Variants in ACYP2 observed in about 807,000 individuals in gnomAD.
ACYP2 encodes acylphosphatase 2.
In ACYP2, 12 loss-of-function variants were observed where a neutral mutation model predicts 11.2. The observed-to-expected ratio is 1.08, with a 90% CI of 0.69 to 1.74. ACYP2 has a LOEUF of 1.74. ACYP2 is among the 40% of genes most tolerant of loss of function. The probability of loss-of-function intolerance (pLI) is 0.00; values close to 1 mark genes in which losing one functional copy is unlikely to be tolerated. For synonymous variants in ACYP2, 43 were observed against 32.2 expected (o/e 1.33, Z -1.13); for missense variants, 134 against 101.9 (o/e 1.31, Z -1.35).
chr2:54,251,101 A>T (rs955294700), intron 6 of ACYP2, among the ~76,000 whole-genome samples: 1 of 152,236 alleles, frequency 6.6e-6, no homozygotes, highest in Admixed American at 6.5e-5. Flanking sequence ...ATTATTAAAG[A>T]GGTGTTTATA....
intron 6 of ACYP2, among the ~76,000 whole-genome samples, chr2:54,283,998 C>T (rs1372942258): frequency 6.6e-6 from 1 of 152,172 alleles, no homozygotes; most frequent in African/African-American, 2.4e-5. Flanking sequence ...GTAATCCCAG[C>T]TACTCTGGAG....
chr2:54,124,189 A>G (rs1680327021), intron 4 of ACYP2, among the ~76,000 whole-genome samples: 1 of 151,082 alleles, frequency 6.6e-6, no homozygotes, highest in African/African-American at 2.5e-5. Flanking sequence ...TTAAGTTCAT[A>G]TTGAATCTTT....
intron 2 of ACYP2, among the ~76,000 whole-genome samples, chr2:54,034,417 T>C (rs1398524145): frequency 6.6e-6 from 1 of 152,164 alleles, no homozygotes; most frequent in African/African-American, 2.4e-5. Context: ...TGTGTTTAGA[T>C]ACATCTAGAT....
intron 3 of ACYP2, chr2:54,051,064 T>A: frequency 2.0e-6 from 1 of 509,482 alleles, no homozygotes; most frequent in East Asian, 3.1e-5. Context: ...AGAACCACCG[T>A]CCTTGGTCAC....
intron 5 of ACYP2, among the ~76,000 whole-genome samples, chr2:54,135,807 A>C (rs927601375): frequency 6.6e-6 from 1 of 152,232 alleles, no homozygotes; most frequent in Non-Finnish European, 1.5e-5. Flanking sequence ...GCAACGGTAC[A>C]TATGTTGCAC....
At chr2:54,143,338 T>C (rs1681703815) in intron 6 of ACYP2, 1 of 152,238 alleles carries the variant, frequency 6.6e-6, no homozygotes, top group Admixed American at 6.5e-5. Context: ...TTGGTTACAG[T>C]GTGTTATTCT....
intron 3 of ACYP2, chr2:54,051,749 AAAAG>A (rs1675877930): frequency 1.6e-5 from 9 of 546,560 alleles, no homozygotes; most frequent in South Asian, 1.4e-4. Context: ...AAAAGCAAGA[AAAAG>A]AAGGAAGAGT....
At chr2:54,032,016 C>G (rs1007532253) in intron 2 of ACYP2, among the ~76,000 whole-genome samples, 5 of 151,996 alleles carry the variant, frequency 3.3e-5, no homozygotes, top group African/African-American at 1.2e-4. Flanking sequence ...TTTGTAGATT[C>G]TGGATATTAG....
intron 6 of ACYP2, among the ~76,000 whole-genome samples, chr2:54,285,499 G>A (rs181911629): frequency 1.1e-3 from 171 of 152,242 alleles, no homozygotes; most frequent in Admixed American, 2.0e-3. Flanking sequence ...CCTAAATTCT[G>A]TTGTTAACGT....
intron 6 of ACYP2, among the ~76,000 whole-genome samples, chr2:54,248,910 G>A (rs1316995407): frequency 1.3e-5 from 2 of 152,178 alleles, no homozygotes; most frequent in Non-Finnish European, 2.9e-5. Flanking sequence ...AAGGAATGGT[G>A]TGATTTCCAT....
chr2:54,225,146 C>T (rs1685959727), intron 6 of ACYP2, among the ~76,000 whole-genome samples: 1 of 152,118 alleles, frequency 6.6e-6, no homozygotes, highest in Non-Finnish European at 1.5e-5. Context: ...ATGTTAGTTA[C>T]TAGGGATACA....
chr2:54,024,248 C>G (rs1272747421), intron 2 of ACYP2, among the ~76,000 whole-genome samples: 1 of 151,980 alleles, frequency 6.6e-6, no homozygotes, highest in Non-Finnish European at 1.5e-5. Flanking sequence ...TGCCTGTAGT[C>G]CCACCTACTC....
chr2:53,981,745 G>A (rs973889477), intron 2 of ACYP2, among the ~76,000 whole-genome samples: 3 of 152,034 alleles, frequency 2.0e-5, no homozygotes, highest in Non-Finnish European at 4.4e-5. Flanking sequence ...CTATTCTCCT[G>A]CCTCAGAAAC....
Position 54,014,402 on chromosome 2 carries a change from C to T in ACYP2, c.63-36556C>T, listed in dbSNP as rs1255825893. On this transcript the variant is annotated intron_variant, in intron 2 of 6. Transcript: ENST00000607452. ...TGGCACGAACTTGGCTCACTGCAAC[C>T]TCCACCTCCCCATTTCAGGCAATTC... 2.0e-5 allele frequency among the ~76,000 whole-genome samples: 3 copies of T among 152,054 alleles called. No individual in the cohort carries two copies. The East Asian group carries it at 5.8e-4, about 29-fold the overall frequency.
At chr2:54,203,431 CCTTT>C (rs1684938773) in intron 6 of ACYP2, among the ~76,000 whole-genome samples, 2 of 152,268 alleles carry the variant, frequency 1.3e-5, no homozygotes, top group South Asian at 2.1e-4. Context: ...TTTACTTCTT[CCTTT>C]CTAATATGAA....
intron 4 of ACYP2, chr2:54,084,789 C>T (rs1677859325): frequency 6.6e-6 from 1 of 152,206 alleles, no homozygotes; most frequent in Non-Finnish European, 1.5e-5. Context: ...TCCTAGTCAG[C>T]AACTTGCCTT....
chr2:54,140,257 C>G (rs1315019835), intron 6 of ACYP2, among the ~76,000 whole-genome samples: 1 of 152,036 alleles, frequency 6.6e-6, no homozygotes, highest in African/African-American at 2.4e-5. Context: ...GAGATTATGT[C>G]CCATGATTCG....
At chr2:54,255,555 A>T (rs1005720134) in intron 6 of ACYP2, 2 of 1,610,102 alleles carry the variant, frequency 1.2e-6, no homozygotes, top group East Asian at 2.2e-5. Flanking sequence ...TCAGGTGGAG[A>T]CCCACGTTCA....
At chr2:54,294,490 G>T (rs754181338) in intron 6 of ACYP2, among the ~76,000 whole-genome samples, 3 of 152,038 alleles carry the variant, frequency 2.0e-5, no homozygotes, top group Non-Finnish European at 4.4e-5. Context: ...GTATCTGCAG[G>T]TAGACATACA....
Sources: allele counts gnomAD v4.1 joint callset (sites outside exome capture counted in the v4.1 genomes callset), GRCh38; gene constraint gnomAD v4.1.1; transcripts MANE v1.5; gene names NCBI Gene and HGNC (gene_info 2026-07-23, HGNC 2026-07-21).